The following TMX2 variants were observed in gnomAD, a reference collection of about 807,000 sequenced individuals.
TMX2 encodes thioredoxin-related transmembrane protein 2.
TMX2 carries 20 observed loss-of-function variants against 33.4 expected under a neutral mutation model. That is an observed-to-expected ratio of 0.60 (90% CI 0.42 to 0.87). TMX2 has a LOEUF of 0.87. TMX2 is among the 40% of genes least tolerant of loss of function. The pLI is 0.00. For missense variants in TMX2, 340 were observed against 370.7 expected (o/e 0.92, Z 0.68); for synonymous variants, 166 against 140.7 (o/e 1.18, Z -1.27).
Position 57,740,485 on chromosome 11 carries a change from G to A in TMX2, c.*240G>A, listed in dbSNP as rs1165542854. On this transcript the variant is annotated 3_prime_UTR_variant, in exon 8 of 8. Coordinates refer to ENST00000278422, the MANE Select transcript of TMX2 (RefSeq NM_015959.4). ...AAAGAGATCTCATAGGACGGAGGGG[G>A]AAATGGTTTCCCTCCAAGCTTGGGT... is the stretch of plus-strand genomic sequence containing the variant. 1 of 443,416 alleles carries A rather than the reference G, an allele frequency of 2.3e-6. No homozygotes were observed. The highest frequency in any genetic ancestry group is 4.0e-6 in the Non-Finnish European group (1 of 252,004). The allele number at this position is 443,416 out of a possible 1,614,324, so 27.5% of individuals were successfully genotyped here.
At chr11:57,721,228 G>C (rs1947606614) in intron 1 of TMX2, among the ~76,000 whole-genome samples, 1 of 152,054 alleles carries the variant, frequency 6.6e-6, no homozygotes, top group Non-Finnish European at 1.5e-5. Context: ...CTTGAACTGG[G>C]AGGCAGAGGT....
Position 57,737,634 on chromosome 11 carries a change from C to T in TMX2, c.216C>T (p.Leu72=), listed in dbSNP as rs143628625. 3.7e-6 allele frequency: 6 copies of T among 1,614,132 alleles called. No individual in the cohort carries two copies. In the East Asian group the frequency reaches 1.3e-4, roughly 36 times the overall value. Residue 72 remains leucine (L), a synonymous_variant, in exon 2 of 8, where the codon CTC becomes CTT. Transcript: ENST00000278422. ...DWREVEILMF[L]SAIVMMKNRR... is the part of the protein sequence containing the mutation. Reference sequence around the variant, plus strand: ...GAGAAGTGGAGATCCTGATGTTTCTCAGTGCCATTGTGATGATGAAGAACC... The same window carrying T: ...GAGAAGTGGAGATCCTGATGTTTCTTAGTGCCATTGTGATGATGAAGAACC...
In TMX2 at chr11:57,740,478, G is replaced by A. The variant is rs918415675; in HGVS notation, c.*233G>A. 8.8e-5 allele frequency: 41 copies of A among 463,628 alleles called. No homozygotes were observed. The East Asian group carries it at 1.5e-3, about 17-fold the overall frequency. The allele number at this position is 463,628 out of a possible 1,614,324, so 28.7% of individuals were successfully genotyped here. On this transcript the variant is annotated 3_prime_UTR_variant, in exon 8 of 8. Coordinates refer to ENST00000278422, the MANE Select transcript of TMX2 (RefSeq NM_015959.4). Reference sequence around the variant, plus strand: ...GAGCAAGAAAGAGATCTCATAGGACGGAGGGGGAAATGGTTTCCCTCCAAG... The same window carrying A: ...GAGCAAGAAAGAGATCTCATAGGACAGAGGGGGAAATGGTTTCCCTCCAAG...
At chr11:57,734,604 C>T (rs577195126) in intron 1 of TMX2, among the ~76,000 whole-genome samples, 31 of 151,190 alleles carry the variant, frequency 2.1e-4, no homozygotes, top group South Asian at 1.7e-3. Context: ...AAAAGTTCAC[C>T]GGGCGTGGGG....
At chr11:57,726,066 C>G (rs1217642251) in intron 1 of TMX2, among the ~76,000 whole-genome samples, 2 of 151,936 alleles carry the variant, frequency 1.3e-5, no homozygotes. Context: ...TAGCTAATTG[C>G]TATAAGTCTG....
intron 1 of TMX2, among the ~76,000 whole-genome samples, chr11:57,714,384 A>G (rs1413531183): frequency 1.3e-5 from 2 of 152,216 alleles, no homozygotes; most frequent in Non-Finnish European, 2.9e-5. Flanking sequence ...AACAAGACAA[A>G]CAAAGCTTAA....
chr11:57,739,755 A>G (rs594967), intron 7 of TMX2, among the ~76,000 whole-genome samples: 6 of 136,918 alleles, frequency 4.4e-5, no homozygotes, highest in East Asian at 3.9e-4. Context: ...CTCCATCAGG[A>G]AAAAAAAAAA....
chr11:57,721,982 A>G (rs1947661525), intron 1 of TMX2, among the ~76,000 whole-genome samples: 1 of 152,050 alleles, frequency 6.6e-6, no homozygotes, highest in Non-Finnish European at 1.5e-5. Context: ...TTATTTATTT[A>G]TTTTTTAAAT....
intron 1 of TMX2, among the ~76,000 whole-genome samples, chr11:57,725,539 C>T (rs538901092): frequency 1.2e-4 from 18 of 152,080 alleles, no homozygotes; most frequent in Non-Finnish European, 2.1e-4. Flanking sequence ...GAGTTTGAGA[C>T]CAGCCTGGCT....
Position 57,738,475 on chromosome 11 carries a change from G to A in TMX2, c.441+45G>A, listed in dbSNP as rs117172088. The A allele has an allele frequency of 2.5e-4, 365 of 1,471,202 alleles. 3 individuals are homozygous for A. The East Asian group carries it at 6.0e-3, about 24-fold the overall frequency. 91.1% of individuals were successfully genotyped at this position (1,471,202 alleles called of 1,614,324 possible). A position where few individuals can be genotyped will look rare whatever the true frequency, so the allele number is the denominator to read the frequency against. ...TCTGTTTCTTGGGTCCCTTGTGGGT[G>A]ATTTTGTAGTTGTGCTCTCCATTCA... On this transcript the variant is annotated intron_variant, in intron 4 of 7. Transcript: ENST00000278422.
intron 1 of TMX2, among the ~76,000 whole-genome samples, chr11:57,736,900 T>A (rs981463936): frequency 6.7e-6 from 1 of 148,442 alleles, no homozygotes; most frequent in African/African-American, 2.5e-5. Flanking sequence ...AAAAAAAAAA[T>A]TAAACATGTG....
At chr11:57,725,219 T>A in intron 1 of TMX2, among the ~76,000 whole-genome samples, 1 of 152,194 alleles carries the variant, frequency 6.6e-6, no homozygotes, top group South Asian at 2.1e-4. Flanking sequence ...AAGCCCTGAC[T>A]TTTTAAGTGC....
intron 1 of TMX2, among the ~76,000 whole-genome samples, chr11:57,719,562 C>T (rs1947443981): frequency 7.8e-6 from 1 of 127,444 alleles, no homozygotes; most frequent in African/African-American, 2.9e-5. Context: ...ACTCTGTTGC[C>T]CAGGCTGGAG....
chr11:57,737,586 T>C lies in TMX2; in HGVS notation c.190-22T>C, dbSNP rs781635720. 8.7e-6 allele frequency: 14 copies of C among 1,610,444 alleles called. No homozygotes were observed. The African/African-American group carries it at 9.4e-5, about 11-fold the overall frequency. ...AGCTCTAGTCACTGCATTCCTGTTA[T>C]AATACTTCGATTCTGTTCCAGAGAG... On this transcript the variant is annotated intron_variant, in intron 1 of 7. Transcript: ENST00000278422.
chr11:57,721,532 T>C (rs1185702185), intron 1 of TMX2, among the ~76,000 whole-genome samples: 1 of 151,918 alleles, frequency 6.6e-6, no homozygotes, highest in Non-Finnish European at 1.5e-5. Context: ...GTCAGGCTGT[T>C]CTCAAGCTCC....
At chr11:57,718,715 G>A (rs1227894875) in intron 1 of TMX2, among the ~76,000 whole-genome samples, 1 of 143,342 alleles carries the variant, frequency 7.0e-6, no homozygotes, top group Non-Finnish European at 1.5e-5. Context: ...GAGTTCAGTG[G>A]TGTGATCTTG....
intron 1 of TMX2, 85 bp downstream of exon 1, chr11:57,712,892 C>G (rs1194984299): frequency 1.5e-5 from 21 of 1,403,280 alleles, no homozygotes; most frequent in Admixed American, 9.9e-5. Context: ...GTTTACCTCT[C>G]TGAGGACACC....
At chr11:57,737,496 C>G (rs185289862) in intron 1 of TMX2, 112 bp from the exon 2 acceptor site, 2 of 819,388 alleles carry the variant, frequency 2.4e-6, no homozygotes, top group Non-Finnish European at 4.1e-6. Context: ...CTTTATTGTT[C>G]CCATTCCCAG....
At chr11:57,722,066 G>A (rs1947669632) in intron 1 of TMX2, among the ~76,000 whole-genome samples, 1 of 152,170 alleles carries the variant, frequency 6.6e-6, no homozygotes, top group African/African-American at 2.4e-5. Flanking sequence ...CATGGTCGCA[G>A]TTCACTACAG....
Sources: allele counts gnomAD v4.1 joint callset (sites outside exome capture counted in the v4.1 genomes callset), GRCh38; gene constraint gnomAD v4.1.1; transcripts MANE v1.5; gene names NCBI Gene and HGNC (gene_info 2026-07-23, HGNC 2026-07-21).